The following MAST4 variants were observed in gnomAD, a reference collection of about 807,000 sequenced individuals.
The protein encoded by MAST4 is microtubule associated serine/threonine kinase family member 4.
A neutral mutation model predicts 162.7 loss-of-function variants in MAST4; 89 were observed. That is an observed-to-expected ratio of 0.55 (90% CI 0.46 to 0.65). MAST4 has a LOEUF of 0.65. MAST4 is among the 30% of genes least tolerant of loss of function. The probability of loss-of-function intolerance (pLI) is 0.00; values close to 1 mark genes in which losing one functional copy is unlikely to be tolerated. For synonymous variants in MAST4, 1,479 were observed against 1,361.1 expected, an observed-to-expected ratio of 1.09 and a Z score of -1.91; for missense variants, 3,153 against 3,374.0, an observed-to-expected ratio of 0.93 and a Z score of 1.62.
chr5:66,730,234 A>G (rs180766802), intron 1 of MAST4, among the ~76,000 whole-genome samples: 149 of 152,306 alleles, frequency 9.8e-4, no homozygotes, highest in African/African-American at 3.5e-3. Flanking sequence ...ATTATTATTC[A>G]TGGTGAAATC....
At chr5:66,980,979 A>AT (rs143660547) in intron 4 of MAST4, among the ~76,000 whole-genome samples, 5,657 of 151,672 alleles carry the variant, frequency 0.037, 306 homozygotes, top group East Asian at 0.25. Flanking sequence ...TGATCAGGAC[A>AT]TTTTTTTTTC....
chr5:66,968,780 G>T lies in MAST4; in HGVS notation c.674+68798G>T, dbSNP rs150648690. Among the ~76,000 whole-genome samples the T allele has an allele frequency of 1.5e-3, 228 of 152,278 alleles. 2 individuals carry two copies. Among genetic ancestry groups the T allele is most frequent in the Middle Eastern group, 6.8e-3 (2 of 294 alleles). The stretch of plus-strand genomic sequence containing the variant: ...AATAGTAAGTTATAGCCATCAAAAT[G>T]TAAAAACTGAGTAGATATCAATTAT... On this transcript the variant is annotated intron_variant, in intron 4 of 28. Coordinates refer to ENST00000403625, the MANE Select transcript of MAST4 (RefSeq NM_001164664.2).
chr5:66,711,524 C>T (rs186886379), intron 1 of MAST4, among the ~76,000 whole-genome samples: 2 of 152,278 alleles, frequency 1.3e-5, no homozygotes, highest in Non-Finnish European at 2.9e-5. Context: ...TCAACTCTTC[C>T]TGCCTCCTCC....
chr5:66,893,957 C>T (rs2149956019), intron 3 of MAST4, among the ~76,000 whole-genome samples: 1 of 152,210 alleles, frequency 6.6e-6, no homozygotes, highest in Middle Eastern at 3.4e-3. Context: ...AAAATGGCAC[C>T]CAAAGCGTTT....
intron 4 of MAST4, among the ~76,000 whole-genome samples, chr5:67,018,757 G>A (rs1001535232): frequency 2.6e-5 from 4 of 152,132 alleles, no homozygotes; most frequent in African/African-American, 4.8e-5. Context: ...GAAGATGGAA[G>A]AAAATATGTA....
rs546811730 is a variant in MAST4 at position 66,739,640 on chromosome 5, C to T, written c.364-20069C>T. Among the ~76,000 whole-genome samples, 11 of 152,222 alleles carry T rather than the reference C, an allele frequency of 7.2e-5. No homozygotes were observed. In the East Asian group the frequency reaches 1.2e-3, roughly 16 times the overall value. ...TAAGTAGATGTTTATTCCTGTGACA[C>T]GTATACCGGATGTTAAATATGTCAA... On this transcript the variant is annotated intron_variant, in intron 1 of 28. Transcript: ENST00000403625.
chr5:66,640,063 T>C (rs1745386713), intron 1 of MAST4, among the ~76,000 whole-genome samples: 1 of 152,190 alleles, frequency 6.6e-6, no homozygotes. Flanking sequence ...ACTGCAACTT[T>C]GTATCCTTTG....
At chr5:66,775,204 G>C (rs1470641447) in intron 2 of MAST4, among the ~76,000 whole-genome samples, 1 of 152,082 alleles carries the variant, frequency 6.6e-6, no homozygotes, top group Non-Finnish European at 1.5e-5. Flanking sequence ...GAGATTTAAT[G>C]CATTTAATGA....
At chr5:67,143,263 AG>A (rs1468045704) in intron 21 of MAST4, among the ~76,000 whole-genome samples, 1 of 111,672 alleles carries the variant, frequency 9.0e-6, no homozygotes, top group Non-Finnish European at 2.0e-5. Context: ...CTCCACAAAA[AG>A]GAAAAAAAAA....
chr5:66,680,100 G>T (rs1324391284), intron 1 of MAST4, among the ~76,000 whole-genome samples: 5 of 152,150 alleles, frequency 3.3e-5, no homozygotes, highest in Admixed American at 3.3e-4. Flanking sequence ...TTTGGATTGG[G>T]CCTCTGGCCT....
At chr5:66,801,925 A>T (rs1190054314) in intron 3 of MAST4, among the ~76,000 whole-genome samples, 1 of 152,214 alleles carries the variant, frequency 6.6e-6, no homozygotes, top group Non-Finnish European at 1.5e-5. Flanking sequence ...CTAAGATAAC[A>T]AATAATTGTC....
chr5:66,713,311 G>A (rs1343995546), intron 1 of MAST4, among the ~76,000 whole-genome samples: 1 of 152,140 alleles, frequency 6.6e-6, no homozygotes, highest in East Asian at 1.9e-4. Flanking sequence ...ACAGTAATCT[G>A]CTGATGGTGA....
intron 3 of MAST4, among the ~76,000 whole-genome samples, chr5:66,829,894 A>G (rs1479169117): frequency 2.0e-5 from 3 of 152,200 alleles, no homozygotes; most frequent in Non-Finnish European, 4.4e-5. Flanking sequence ...GCTAAACAAA[A>G]GAGGGATTAG....
rs368665237 is a variant in MAST4, at chr5:67,026,176, C to T, written c.675-28228C>T. 1.8e-3 allele frequency among the ~76,000 whole-genome samples: 274 copies of T among 152,288 alleles called. 2 individuals carry two copies. Among genetic ancestry groups the T allele is most frequent in the African/African-American group, 6.3e-3 (260 of 41,568 alleles). On this transcript the variant is annotated intron_variant, in intron 4 of 28. Coordinates refer to ENST00000403625, the MANE Select transcript of MAST4 (RefSeq NM_001164664.2). ...AATATACAATGAATAAGAGAAGTGG[C>T]GAGCAAAATTTATCCTAACCTTTTC...
At chr5:67,118,269 G>A (rs1001651361) in intron 12 of MAST4, among the ~76,000 whole-genome samples, 5 of 152,170 alleles carry the variant, frequency 3.3e-5, no homozygotes, top group Non-Finnish European at 7.3e-5. Flanking sequence ...CACGAGATAT[G>A]CACCACAACT....
chr5:67,139,986 C>G (rs187717924), intron 19 of MAST4, among the ~76,000 whole-genome samples: 3 of 152,320 alleles, frequency 2.0e-5, no homozygotes, highest in Admixed American at 6.5e-5. Flanking sequence ...AATGAAGGCT[C>G]TCAGCAGCTT....
At chr5:66,928,120 A>T (rs1049239960) in intron 4 of MAST4, among the ~76,000 whole-genome samples, 1 of 152,220 alleles carries the variant, frequency 6.6e-6, no homozygotes, top group Non-Finnish European at 1.5e-5. Context: ...AAATAAGGTC[A>T]AATTCAAAGG....
chr5:67,012,996 G>A (rs1480981722), intron 4 of MAST4, among the ~76,000 whole-genome samples: 3 of 152,068 alleles, frequency 2.0e-5, no homozygotes, highest in African/African-American at 7.3e-5. Flanking sequence ...AAGAAGAATA[G>A]GCAGTCATTA....
intron 4 of MAST4, among the ~76,000 whole-genome samples, chr5:66,926,339 G>C (rs1002583198): frequency 1.5e-4 from 23 of 152,162 alleles, no homozygotes; most frequent in Non-Finnish European, 1.6e-4. Flanking sequence ...CCTGAGGTCA[G>C]GAGTTCAAGG....
Sources: gnomAD v4.1 joint callset for allele counts (sites outside exome capture counted in the v4.1 genomes callset) on GRCh38, gnomAD v4.1.1 for gene constraint, MANE v1.5 for transcripts, NCBI Gene and HGNC (gene_info 2026-07-23, HGNC 2026-07-21) for gene names.